The following CACNA1E variants were observed in gnomAD, a reference collection of about 807,000 sequenced individuals.
CACNA1E encodes calcium voltage-gated channel subunit alpha1 E.
In CACNA1E, 40 loss-of-function variants were observed where a neutral mutation model predicts 259.2. The ratio of observed to expected loss-of-function variants is 0.15; its 90% CI spans 0.12 to 0.20. The LOEUF (loss-of-function observed/expected upper bound fraction) is 0.20, where lower values mean the gene tolerates loss of function less well. CACNA1E is among the 10% of genes least tolerant of loss of function. CACNA1E has a pLI of 1.00. For missense variants in CACNA1E, 1,874 were observed against 3,040.1 expected (o/e 0.62, Z 9.02); for synonymous variants, 1,104 against 1,138.5 (o/e 0.97, Z 0.61).
intron 43 of CACNA1E, among the ~76,000 whole-genome samples, chr1:181,786,265 T>G (rs1217177812): frequency 6.6e-6 from 1 of 152,180 alleles, no homozygotes; most frequent in African/African-American, 2.4e-5. Context: ...GGTTGACACT[T>G]ATAGAGACAC....
chr1:181,511,872 C>A (rs1333758254), intron 3 of CACNA1E, among the ~76,000 whole-genome samples: 4 of 152,232 alleles, frequency 2.6e-5, no homozygotes, highest in African/African-American at 9.6e-5. Flanking sequence ...AGCTTACCCC[C>A]GCCTGGGAGG....
At position 181,779,228 on chromosome 1, in the gene CACNA1E, G is replaced by A. The variant is rs577079047; in HGVS notation, c.5268-2199G>A. Among the ~76,000 whole-genome samples the A allele has an allele frequency of 3.3e-5, 5 of 152,334 alleles. No individual in the cohort carries two copies. In the South Asian group the frequency reaches 6.2e-4, roughly 19 times the overall value. On this transcript the variant is annotated intron_variant, in intron 38 of 47. Coordinates refer to ENST00000367573, the MANE Select transcript of CACNA1E (RefSeq NM_001205293.3). ...AGGCAGTTCCCTTTGGCATTGACCA[G>A]GCTCTGATTTCCTTAGAAAATTGCA... is the stretch of plus-strand genomic sequence containing the variant.
intron 3 of CACNA1E, among the ~76,000 whole-genome samples, chr1:181,533,485 A>T (rs1427966378): frequency 6.6e-6 from 1 of 151,138 alleles, no homozygotes; most frequent in African/African-American, 2.4e-5. Context: ...TTTCTATCCC[A>T]TTGGCAATGA....
At chr1:181,738,899 G>C (rs1352548759) in intron 24 of CACNA1E, among the ~76,000 whole-genome samples, 1 of 152,224 alleles carries the variant, frequency 6.6e-6, no homozygotes, top group Non-Finnish European at 1.5e-5. Context: ...ATAAATGAAA[G>C]GAGGAATGTG....
chr1:181,459,366 A>C (rs182902149), intron 2 of CACNA1E, among the ~76,000 whole-genome samples: 1 of 152,340 alleles, frequency 6.6e-6, no homozygotes, highest in East Asian at 1.9e-4. Flanking sequence ...CCCTTTACAC[A>C]TGTTCAGGTA....
intron 35 of CACNA1E, among the ~76,000 whole-genome samples, chr1:181,769,603 AAAAT>A (rs146335032): frequency 0.26 from 38,760 of 151,860 alleles, 4,994 homozygotes; most frequent in South Asian, 0.34. Context: ...TCTTAGATTC[AAAAT>A]AAATAGTTTT....
chr1:181,618,209 C>T (rs1463314545), intron 6 of CACNA1E, among the ~76,000 whole-genome samples: 1 of 152,148 alleles, frequency 6.6e-6, no homozygotes, highest in East Asian at 1.9e-4. Context: ...AATAAGAAGA[C>T]ACCAGCGAAG....
intron 1 of CACNA1E, among the ~76,000 whole-genome samples, chr1:181,348,006 CTCTGGGAG>C (rs2102658108): frequency 2.0e-5 from 3 of 152,374 alleles, no homozygotes; most frequent in African/African-American, 7.2e-5. Flanking sequence ...AAAGGATCCT[CTCTGGGAG>C]TGCAGCCAGG....
At chr1:181,663,533 T>C (rs1346652687) in intron 7 of CACNA1E, among the ~76,000 whole-genome samples, 1 of 152,238 alleles carries the variant, frequency 6.6e-6, no homozygotes, top group African/African-American at 2.4e-5. Flanking sequence ...AAATGATTGA[T>C]GAATTGAAGG....
chr1:181,576,613 TGCC>T (rs1651003709), intron 3 of CACNA1E, among the ~76,000 whole-genome samples: 1 of 152,242 alleles, frequency 6.6e-6, no homozygotes, highest in Non-Finnish European at 1.5e-5. Flanking sequence ...AAGCCATTTT[TGCC>T]ACCCTTTGAC....
chr1:181,590,816 G>C (rs905327788), intron 6 of CACNA1E, among the ~76,000 whole-genome samples: 1 of 134,886 alleles, frequency 7.4e-6, no homozygotes, highest in Non-Finnish European at 1.6e-5. Context: ...CCTTCACTCC[G>C]AACCCAGGAC....
chr1:181,509,952 T>A (rs1006826637), intron 1 of CACNA1E, among the ~76,000 whole-genome samples: 1 of 152,246 alleles, frequency 6.6e-6, no homozygotes, highest in Non-Finnish European at 1.5e-5. Context: ...CCAGATGTTC[T>A]TCTGTTACTC....
intron 6 of CACNA1E, among the ~76,000 whole-genome samples, chr1:181,583,202 A>G (rs1651724825): frequency 6.6e-6 from 1 of 152,090 alleles, no homozygotes; most frequent in Non-Finnish European, 1.5e-5. Flanking sequence ...TCAGCTTAGT[A>G]TTATAAATAC....
chr1:181,703,398 C>A (rs1401660022), intron 7 of CACNA1E, among the ~76,000 whole-genome samples: 2 of 152,138 alleles, frequency 1.3e-5, no homozygotes, highest in Non-Finnish European at 2.9e-5. Context: ...CAGATCACAC[C>A]ACGATGGAGC....
chr1:181,793,719 C>G lies in CACNA1E; in HGVS notation c.5953C>G (p.Leu1985Val). Residue 1985 changes from leucine (L) to valine (V), a missense_variant, in exon 45 of 48, where the codon CTT (leucine) becomes GTT (valine). Around this residue, in one of 14 missense-constraint regions of CACNA1E, gnomAD observed 542 missense variants for 587.2 expected, o/e 0.92. Coordinates refer to ENST00000367573, the MANE Select transcript of CACNA1E (RefSeq NM_001205293.3). ...GCAGCCCTCTAACCATGGCATCTAC[C>G]TTCCTTCGGACACCCAGGAGCATGC... Reference protein sequence around the residue: ...SVQPSNHGIYLPSDTQEHAGS... With the variant: ...SVQPSNHGIYVPSDTQEHAGS... The G allele has an allele frequency of 6.2e-7, 1 of 1,611,466 alleles. No homozygotes were observed. Among genetic ancestry groups the G allele is most frequent in the Non-Finnish European group, 8.5e-7 (1 of 1,179,334 alleles).
chr1:181,433,287 G>C (rs1176880892), intron 2 of CACNA1E, among the ~76,000 whole-genome samples: 1 of 152,174 alleles, frequency 6.6e-6, no homozygotes, highest in African/African-American at 2.4e-5. Context: ...TTTCTGCACT[G>C]TCTGCTCTCT....
In CACNA1E at chr1:181,733,519, C is replaced by A; in HGVS notation, c.3031C>A (p.Pro1011Thr). ...EADTPLVLPH[P>T]ELEVGKHVVL... is the part of the protein sequence containing the mutation. Reference sequence around the variant, plus strand: ...TGACACCCCCCTAGTCCTGCCCCATCCTGAGCTGGAAGTGGGGAAGCACGT... The same window carrying A: ...TGACACCCCCCTAGTCCTGCCCCATACTGAGCTGGAAGTGGGGAAGCACGT... The change falls in exon 21 of 48, where the codon CCT becomes ACT. Residue 1011 changes from proline to threonine, a missense_variant. This residue lies in a region of CACNA1E where 476 missense variants were observed against 514.0 expected (regional missense o/e 0.93). Transcript: ENST00000367573. The A allele has an allele frequency of 1.1e-5, 17 of 1,610,292 alleles. No homozygotes were observed. Among genetic ancestry groups the A allele is most frequent in the Non-Finnish European group, 1.4e-5 (17 of 1,177,816 alleles).
chr1:181,705,377 G>A (rs1652693843), intron 7 of CACNA1E, among the ~76,000 whole-genome samples: 1 of 152,196 alleles, frequency 6.6e-6, no homozygotes, highest in Admixed American at 6.5e-5. Flanking sequence ...TATTTCTCAT[G>A]TAAACTGCTG....
chr1:181,755,101 C>T lies in CACNA1E; in HGVS notation c.3829-136C>T, dbSNP rs1016705708. On this transcript the variant is annotated intron_variant, in intron 27 of 47. Coordinates refer to ENST00000367573, the MANE Select transcript of CACNA1E (RefSeq NM_001205293.3). ...CCTTAATCTCATGAGCACCACCTCA[C>T]CTCTTAGCAGGAAATTCTCTCCTGG... is the stretch of plus-strand genomic sequence containing the variant. 1.4e-5 allele frequency: 9 copies of T among 626,470 alleles called. 1 individual carries two copies. Among genetic ancestry groups the T allele is most frequent in the Admixed American group, 9.6e-5 (3 of 31,234 alleles). 38.8% of individuals were successfully genotyped at this position (626,470 alleles called of 1,614,324 possible). A position where few individuals can be genotyped will look rare whatever the true frequency, so the allele number is the denominator to read the frequency against.
Sources: allele counts gnomAD v4.1 joint callset (sites outside exome capture counted in the v4.1 genomes callset), GRCh38; gene constraint gnomAD v4.1.1; regional missense constraint gnomAD v4.1.1; transcripts MANE v1.5; gene names NCBI Gene and HGNC (gene_info 2026-07-23, HGNC 2026-07-21).